The following TENT4B variants were observed in gnomAD, a reference collection of about 807,000 sequenced individuals.
The protein encoded by TENT4B is PAP associated domain containing 5.
TENT4B carries 10 observed loss-of-function variants against 75.0 expected under a neutral mutation model. The observed-to-expected ratio is 0.13, with a 90% confidence interval of 0.08 to 0.23. TENT4B has a LOEUF of 0.23. TENT4B is among the 10% of genes least tolerant of loss of function. TENT4B has a pLI of 1.00. For synonymous variants in TENT4B, 350 were observed against 357.7 expected (o/e 0.98, Z 0.24); for missense variants, 579 against 893.8 (o/e 0.65, Z 4.49).
chr16:50,197,098 C>T (rs2150717089), intron 1 of TENT4B, among the ~76,000 whole-genome samples: 1 of 151,134 alleles, frequency 6.6e-6, no homozygotes, highest in South Asian at 2.1e-4. Flanking sequence ...GATAGCAAGA[C>T]CCCATCTCTA....
At chr16:50,162,326 G>A (rs2038017345) in intron 1 of TENT4B, among the ~76,000 whole-genome samples, 1 of 152,134 alleles carries the variant, frequency 6.6e-6, no homozygotes, top group Admixed American at 6.6e-5. Context: ...GGGAATAAAT[G>A]CCCAAATGTT....
At chr16:50,161,366 C>G (rs2038000065) in intron 1 of TENT4B, among the ~76,000 whole-genome samples, 1 of 152,108 alleles carries the variant, frequency 6.6e-6, no homozygotes, top group Non-Finnish European at 1.5e-5. Flanking sequence ...TGTACTGGTT[C>G]CCTATTCACT....
Position 50,229,977 on chromosome 16 carries a change from A to G in TENT4B, c.*649A>G, listed in dbSNP as rs1366472762. On this transcript the variant is annotated 3_prime_UTR_variant, in exon 12 of 12. Transcript: ENST00000561678. ...TCTAAATTGTCATCTTAACATCCAT[A>G]TATAGGGAAGTGATTAGTTCTATTA... 1 of 955,394 alleles carries G rather than the reference A, an allele frequency of 1.0e-6. No homozygotes were observed. 59.2% of individuals were successfully genotyped at this position (955,394 alleles called of 1,614,324 possible). A position where few individuals can be genotyped will look rare whatever the true frequency, so the allele number is the denominator to read the frequency against.
chr16:50,182,199 A>C (rs1169598986), intron 1 of TENT4B, among the ~76,000 whole-genome samples: 4 of 152,050 alleles, frequency 2.6e-5, no homozygotes, highest in Admixed American at 6.6e-5. Context: ...CCTGGGAGGC[A>C]GAGGTTGCAG....
At chr16:50,176,494 CTTTTTTTTTTTTTTTTT>C (rs34067223) in intron 1 of TENT4B, among the ~76,000 whole-genome samples, 6 of 53,088 alleles carry the variant, frequency 1.1e-4, no homozygotes, top group South Asian at 1.2e-3. Flanking sequence ...ACCAATAATT[CTTTTTTTTTTTTTTTTT>C]TTTTTTTTTT....
chr16:50,211,680 G>A (rs181977116), intron 2 of TENT4B, among the ~76,000 whole-genome samples: 5 of 152,096 alleles, frequency 3.3e-5, no homozygotes, highest in Non-Finnish European at 2.9e-5. Context: ...AGTGCTAATA[G>A]CAACTACTAA....
rs778428155 is a variant in TENT4B, at chr16:50,223,323, A to G, written c.1317A>G (p.Val439=). The change falls in exon 7 of 12, where the codon GTA becomes GTG. Residue 439 remains valine (V), a synonymous_variant. Coordinates refer to ENST00000561678, the MANE Select transcript of TENT4B (RefSeq NM_001365324.3). ...GTTCATATGTGGCCAAAGATGAAGT[A>G]CAGAAAAATATGCTAGATGGCTACA... The part of the protein sequence containing the change: ...DGGSYVAKDE[V]QKNMLDGYRP... 7.6e-5 allele frequency: 122 copies of G among 1,613,938 alleles called. No homozygotes were observed. Among genetic ancestry groups the G allele is most frequent in the Admixed American group, 2.0e-4 (12 of 60,030 alleles).
intron 1 of TENT4B, among the ~76,000 whole-genome samples, chr16:50,184,573 A>C (rs562499662): frequency 2.7e-4 from 41 of 152,286 alleles, no homozygotes; most frequent in Non-Finnish European, 4.7e-4. Context: ...AGGCTGAGGC[A>C]GGAGAATGGC....
intron 1 of TENT4B, among the ~76,000 whole-genome samples, chr16:50,195,470 A>G (rs2030168477): frequency 6.6e-6 from 1 of 152,222 alleles, no homozygotes; most frequent in Admixed American, 6.5e-5. Flanking sequence ...GGAAGTCAGA[A>G]TTAAGCAGGA....
At chr16:50,187,771 T>C (rs2038561212) in intron 1 of TENT4B, among the ~76,000 whole-genome samples, 2 of 151,804 alleles carry the variant, frequency 1.3e-5, no homozygotes, top group African/African-American at 4.8e-5. Context: ...ATGCTTGTAA[T>C]TGCAGCACTT....
At chr16:50,214,405 T>C (rs927603102) in intron 3 of TENT4B, 138 bp downstream of exon 3, 10 of 652,288 alleles carry the variant, frequency 1.5e-5, no homozygotes, top group Non-Finnish European at 2.6e-5. Context: ...CCTGTAATCC[T>C]AGCACTTCGG....
intron 5 of TENT4B, among the ~76,000 whole-genome samples, chr16:50,220,768 A>T (rs973191623): frequency 6.6e-6 from 1 of 151,872 alleles, no homozygotes; most frequent in African/African-American, 2.4e-5. Context: ...ACCTCAAGAG[A>T]TCCACCCGCC....
At chr16:50,167,638 T>C (rs988489838) in intron 1 of TENT4B, among the ~76,000 whole-genome samples, 1 of 148,544 alleles carries the variant, frequency 6.7e-6, no homozygotes, top group African/African-American at 2.5e-5. Context: ...GCTCTTGTAT[T>C]TAGGTCTTTG....
intron 1 of TENT4B, among the ~76,000 whole-genome samples, chr16:50,196,701 G>T (rs1186870844): frequency 2.0e-5 from 3 of 151,890 alleles, no homozygotes; most frequent in Non-Finnish European, 4.4e-5. Flanking sequence ...GCCAAGGCGG[G>T]CAGATCGCTT....
chr16:50,153,249 A>T (rs1160966234), upstream of TENT4B, among the ~76,000 whole-genome samples: 1 of 138,204 alleles, frequency 7.2e-6, no homozygotes, highest in South Asian at 2.3e-4. Flanking sequence ...CGGAGGAGCG[A>T]GGACGCTACG....
In TENT4B at chr16:50,229,889, T is replaced by C. The variant is rs953842400; in HGVS notation, c.*561T>C. Reference sequence around the variant, plus strand: ...AATAGTGGATTTGTTAATAATACTTTTTACATAACATTACTGTTTAAATTG... The same window carrying C: ...AATAGTGGATTTGTTAATAATACTTCTTACATAACATTACTGTTTAAATTG... On this transcript the variant is annotated 3_prime_UTR_variant, in exon 12 of 12. Coordinates refer to ENST00000561678, the MANE Select transcript of TENT4B (RefSeq NM_001365324.3). 2.2e-6 allele frequency: 2 copies of C among 916,814 alleles called. No individual in the cohort carries two copies. The highest frequency in any genetic ancestry group is 3.6e-5 in the African/African-American group (2 of 55,688). The allele number at this position is 916,814 out of a possible 1,614,324, so 56.8% of individuals were successfully genotyped here.
Position 50,233,656 on chromosome 16 carries a change from T to C in TENT4B, c.*4328T>C, listed in dbSNP as rs1394110733. 2 of 982,790 alleles carry C rather than the reference T, an allele frequency of 2.0e-6. No individual in the cohort carries two copies. Among genetic ancestry groups the C allele is most frequent in the African/African-American group, 3.5e-5 (2 of 57,056 alleles). The allele number at this position is 982,790 out of a possible 1,614,324, so 60.9% of individuals were successfully genotyped here. A position where few individuals can be genotyped will look rare whatever the true frequency, so the allele number is the denominator to read the frequency against. On this transcript the variant is annotated 3_prime_UTR_variant, in exon 12 of 12. Transcript: ENST00000561678. The stretch of plus-strand genomic sequence containing the variant: ...CAGTTTTTAGTTAATAAACTGCTAA[T>C]GTTTATTTTACTGTCTCTCAGGTTT...
At position 50,154,273 on chromosome 16, in the gene TENT4B, C is replaced by T; in HGVS notation, c.638+14C>T. Reference sequence around the variant, plus strand: ...GGGAGTCGTGGGGTGAGTGCTGGCTCTGCGGCCCGATGGCCTGGCCGGTGC... The same window carrying T: ...GGGAGTCGTGGGGTGAGTGCTGGCTTTGCGGCCCGATGGCCTGGCCGGTGC... On this transcript the variant is annotated intron_variant, in intron 1 of 11. Transcript: ENST00000561678. 2.9e-6 allele frequency: 4 copies of T among 1,401,072 alleles called. No individual in the cohort carries two copies. In the South Asian group the frequency reaches 6.4e-5, roughly 22 times the overall value. 86.8% of individuals were successfully genotyped at this position (1,401,072 alleles called of 1,614,324 possible).
chr16:50,159,647 C>G (rs747091325), intron 1 of TENT4B, among the ~76,000 whole-genome samples: 2 of 152,116 alleles, frequency 1.3e-5, no homozygotes, highest in Admixed American at 6.6e-5. Flanking sequence ...AATTTAGAGG[C>G]CTTTTTCCAA....
Sources: gnomAD v4.1 joint callset for allele counts (sites outside exome capture counted in the v4.1 genomes callset) on GRCh38, gnomAD v4.1.1 for gene constraint, MANE v1.5 for transcripts, NCBI Gene and HGNC (gene_info 2026-07-23, HGNC 2026-07-21) for gene names.